Variants in CCSER2 observed in about 807,000 individuals in gnomAD.
The protein encoded by CCSER2 is serine-rich coiled-coil domain-containing protein 2.
A neutral mutation model predicts 92.3 loss-of-function variants in CCSER2; 46 were observed. That is an observed-to-expected ratio of 0.50 (90% confidence interval 0.39 to 0.64). The LOEUF (loss-of-function observed/expected upper bound fraction) is 0.64, where lower values mean the gene tolerates loss of function less well. CCSER2 is among the 30% of genes least tolerant of loss of function. The pLI, the probability that CCSER2 is intolerant of heterozygous loss-of-function variation, is 0.00. For missense variants in CCSER2, 1,244 were observed against 1,238.9 expected, an observed-to-expected ratio of 1.00 and a Z score of -0.06; for synonymous variants, 433 against 431.4, an observed-to-expected ratio of 1.00 and a Z score of -0.04.
At chr10:84,435,008 A>G (rs944579023) in intron 5 of CCSER2, among the ~76,000 whole-genome samples, 4 of 152,204 alleles carry the variant, frequency 2.6e-5, no homozygotes, top group African/African-American at 4.8e-5. Context: ...GGATCATAAA[A>G]TGATAGTTTT....
intron 3 of CCSER2, among the ~76,000 whole-genome samples, chr10:84,394,413 G>GTGTGTGTA: frequency 6.6e-6 from 1 of 151,642 alleles, no homozygotes; most frequent in Non-Finnish European, 1.5e-5. Context: ...GTGTGTGTGT[G>GTGTGTGTA]TGTGTGTGTG....
intron 1 of CCSER2, among the ~76,000 whole-genome samples, chr10:84,367,566 A>T (rs899000694): frequency 5.9e-5 from 9 of 151,722 alleles, no homozygotes; most frequent in Non-Finnish European, 1.2e-4. Context: ...TTTTGTAGAG[A>T]TGAGGTTTTG....
At chr10:84,509,501 A>AC (rs150795301) in intron 9 of CCSER2, among the ~76,000 whole-genome samples, 1 of 152,118 alleles carries the variant, frequency 6.6e-6, no homozygotes, top group African/African-American at 2.4e-5. Context: ...CCTTTGCACA[A>AC]CCCCCCTGTA....
rs371702914 is a variant in CCSER2 at position 84,371,862 on chromosome 10, A to G, written c.810A>G (p.Leu270=). 5.0e-5 allele frequency: 81 copies of G among 1,613,826 alleles called. No individual in the cohort carries two copies. The highest frequency in any genetic ancestry group is 6.8e-5 in the Non-Finnish European group (80 of 1,179,852). Residue 270 remains leucine, a synonymous_variant, in exon 2 of 10, where the codon CTA becomes CTG. Coordinates refer to ENST00000372088, the MANE Select transcript of CCSER2 (RefSeq NM_001284240.2). ...SIRVPLRSSM[L]TRNSRQPEVL... The stretch of plus-strand genomic sequence containing the variant: ...GAGTGCCTCTACGGTCAAGTATGCT[A>G]ACAAGAAATTCCCGGCAGCCAGAAG...
chr10:84,416,748 G>T (rs1290655472), intron 3 of CCSER2, among the ~76,000 whole-genome samples: 1 of 152,064 alleles, frequency 6.6e-6, no homozygotes, highest in African/African-American at 2.4e-5. Flanking sequence ...CCAACACAGT[G>T]AAACCCCGTC....
At chr10:84,359,560 G>C (rs1845388326) in intron 1 of CCSER2, among the ~76,000 whole-genome samples, 1 of 152,128 alleles carries the variant, frequency 6.6e-6, no homozygotes, top group Admixed American at 6.5e-5. Context: ...TGATGCTACT[G>C]CTGATCAGCC....
chr10:84,490,308 TCTC>T (rs1848079674), intron 9 of CCSER2, among the ~76,000 whole-genome samples: 1 of 152,200 alleles, frequency 6.6e-6, no homozygotes, highest in African/African-American at 2.4e-5. Context: ...TTGGGGAAGT[TCTC>T]CTGGATAATA....
chr10:84,467,634 C>T (rs1181975449), intron 7 of CCSER2, among the ~76,000 whole-genome samples: 1 of 152,124 alleles, frequency 6.6e-6, no homozygotes, highest in Non-Finnish European at 1.5e-5. Flanking sequence ...TCCATCATGT[C>T]CCCACCTCCC....
At chr10:84,448,374 C>T (rs1432095414) in intron 6 of CCSER2, among the ~76,000 whole-genome samples, 1 of 152,072 alleles carries the variant, frequency 6.6e-6, no homozygotes, top group Non-Finnish European at 1.5e-5. Context: ...TGTTTCCCCA[C>T]CCCTCATGGA....
rs775840264 is a variant in CCSER2, at chr10:84,513,516, A to G, written c.2393A>G (p.Lys798Arg). The change falls in exon 10 of 10, where the codon AAG becomes AGG. Residue 798 changes from lysine (K) to arginine (R), a missense_variant. By Grantham distance (26) the Lys-to-Arg change is conservative. Coordinates refer to ENST00000372088, the MANE Select transcript of CCSER2 (RefSeq NM_001284240.2). ...PTDHTQGKLI[K>R]PQRIEARSEC... is the part of the protein sequence containing the mutation. ...GATCACACCCAGGGAAAACTAATAA[A>G]GCCACAACGTATCGAGGCCCGCAGT... 2.0e-5 allele frequency: 32 copies of G among 1,614,048 alleles called. No individual in the cohort carries two copies. Among genetic ancestry groups the G allele is most frequent in the Non-Finnish European group, 2.7e-5 (32 of 1,180,028 alleles).
chr10:84,333,920 A>T (rs944359661), intron 1 of CCSER2, among the ~76,000 whole-genome samples: 7 of 152,124 alleles, frequency 4.6e-5, no homozygotes, highest in African/African-American at 1.7e-4. Flanking sequence ...CCCCCACTGG[A>T]TTGTGTGCTT....
rs546270498 is a variant in CCSER2 at position 84,483,219 on chromosome 10, C to T, written c.2325+5555C>T. On this transcript the variant is annotated intron_variant, in intron 9 of 9. Coordinates refer to ENST00000372088, the MANE Select transcript of CCSER2 (RefSeq NM_001284240.2). The stretch of plus-strand genomic sequence containing the variant: ...ACCAGCCTGACCAACATGGAGAAAC[C>T]CCGTCTCTACTAAAAATACAAAAAT... Among the ~76,000 whole-genome samples the T allele has an allele frequency of 2.5e-3, 386 of 151,946 alleles. 2 individuals carry two copies. Among genetic ancestry groups the T allele is most frequent in the African/African-American group, 8.5e-3 (354 of 41,446 alleles).
intron 6 of CCSER2, among the ~76,000 whole-genome samples, chr10:84,440,643 G>T (rs2133524430): frequency 6.6e-6 from 1 of 152,248 alleles, no homozygotes; most frequent in Non-Finnish European, 1.5e-5. Context: ...TCTTTCGATA[G>T]CATGTCTTCT....
chr10:84,443,185 G>T (rs1181006899), intron 6 of CCSER2, among the ~76,000 whole-genome samples: 1 of 152,130 alleles, frequency 6.6e-6, no homozygotes, highest in South Asian at 2.1e-4. Flanking sequence ...CACAGCAAAA[G>T]AAACTACCAT....
intron 1 of CCSER2, among the ~76,000 whole-genome samples, chr10:84,343,155 ATTAT>A (rs1844298676): frequency 6.6e-6 from 1 of 152,226 alleles, no homozygotes. Context: ...GGTGTAAGCC[ATTAT>A]GCCTGGCCCT....
chr10:84,339,750 C>T (rs999957835), intron 1 of CCSER2, among the ~76,000 whole-genome samples: 5 of 152,190 alleles, frequency 3.3e-5, no homozygotes, highest in Admixed American at 3.3e-4. Context: ...GCTGGGATTA[C>T]AGGCATGAGC....
intron 5 of CCSER2, among the ~76,000 whole-genome samples, chr10:84,427,838 A>T (rs187210331): frequency 6.6e-6 from 1 of 152,248 alleles, no homozygotes; most frequent in South Asian, 2.1e-4. Context: ...TCCCAAATAT[A>T]CTACTTCCCC....
At chr10:84,501,370 G>A (rs1456918402) in intron 9 of CCSER2, among the ~76,000 whole-genome samples, 1 of 152,062 alleles carries the variant, frequency 6.6e-6, no homozygotes, top group African/African-American at 2.4e-5. Context: ...ACACCCACCT[G>A]TGTACTTACT....
At chr10:84,463,408 C>T (rs796459004) in intron 6 of CCSER2, among the ~76,000 whole-genome samples, 6 of 152,266 alleles carry the variant, frequency 3.9e-5, no homozygotes, top group African/African-American at 1.4e-4. Context: ...TGATTTCTAA[C>T]ACCATAGATT....
Sources: allele counts gnomAD v4.1 joint callset (sites outside exome capture counted in the v4.1 genomes callset), GRCh38; gene constraint gnomAD v4.1.1; transcripts MANE v1.5; gene names NCBI Gene and HGNC (gene_info 2026-07-23, HGNC 2026-07-21).